THSD4: variants seen among roughly 807,000 people sequenced by gnomAD.
The protein encoded by THSD4 is thrombospondin type-1 domain-containing protein 4.
THSD4 carries 69 observed loss-of-function variants against 119.0 expected under a neutral mutation model. The ratio of observed to expected loss-of-function variants is 0.58; its 90% CI spans 0.48 to 0.71. The LOEUF is 0.71. THSD4 is among the 30% of genes least tolerant of loss of function. The probability of loss-of-function intolerance (pLI) is 0.00; values close to 1 mark genes in which losing one functional copy is unlikely to be tolerated. For synonymous variants in THSD4, 524 were observed against 540.4 expected (o/e 0.97, Z 0.42); for missense variants, 1,393 against 1,391.1 (o/e 1.00, Z -0.02).
chr15:71,381,862 C>T (rs1057257490), intron 6 of THSD4, among the ~76,000 whole-genome samples: 14 of 152,240 alleles, frequency 9.2e-5, no homozygotes, highest in African/African-American at 3.1e-4. Flanking sequence ...TTTGACAATG[C>T]TTCCCATATA....
intron 8 of THSD4, among the ~76,000 whole-genome samples, chr15:71,723,173 A>G (rs1449102176): frequency 2.0e-5 from 3 of 152,072 alleles, no homozygotes; most frequent in Non-Finnish European, 4.4e-5. Flanking sequence ...GTTTCCTAGA[A>G]GTAGAGTTTT....
At chr15:71,444,550 C>G (rs16955610) in intron 7 of THSD4, among the ~76,000 whole-genome samples, 197 of 152,350 alleles carry the variant, frequency 1.3e-3, no homozygotes, top group African/African-American at 4.4e-3. Context: ...TCCATTTCTA[C>G]CCACACATCT....
chr15:71,267,763 A>G (rs111674500), intron 6 of THSD4, among the ~76,000 whole-genome samples: 12,866 of 152,266 alleles, frequency 0.084, 665 homozygotes, highest in Middle Eastern at 0.14. Flanking sequence ...GGGATGGAGG[A>G]ATATTTACCA....
At chr15:71,114,277 G>A (rs1261239058), upstream of THSD4, among the ~76,000 whole-genome samples, 1 of 151,196 alleles carries the variant, frequency 6.6e-6, no homozygotes, top group South Asian at 2.1e-4. Flanking sequence ...CTGCTCCCAC[G>A]AAGCGCTCTG....
At chr15:71,726,776 A>G (rs1035638134) in intron 8 of THSD4, among the ~76,000 whole-genome samples, 4 of 152,070 alleles carry the variant, frequency 2.6e-5, no homozygotes, top group Non-Finnish European at 5.9e-5. Flanking sequence ...CGTCTCTACT[A>G]AAATACAAAA....
intron 5 of THSD4, among the ~76,000 whole-genome samples, chr15:71,246,760 G>C (rs980137165): frequency 1.3e-5 from 2 of 152,132 alleles, no homozygotes; most frequent in Non-Finnish European, 2.9e-5. Flanking sequence ...AGGAAGTTCA[G>C]GTGACACATC....
At chr15:71,191,037 C>T (rs1395240637) in intron 3 of THSD4, among the ~76,000 whole-genome samples, 2 of 152,210 alleles carry the variant, frequency 1.3e-5, no homozygotes, top group Non-Finnish European at 2.9e-5. Context: ...CCTGAATCAT[C>T]CGACTCTGTT....
chr15:71,101,651 A>G (rs1039587392), intron 1 of THSD4, among the ~76,000 whole-genome samples: 1 of 151,886 alleles, frequency 6.6e-6, no homozygotes, highest in Non-Finnish European at 1.5e-5. Flanking sequence ...TCCTTATTTC[A>G]TTGTCATTCA....
intron 7 of THSD4, among the ~76,000 whole-genome samples, chr15:71,606,876 G>T (rs1331783664): frequency 6.6e-6 from 1 of 152,196 alleles, no homozygotes; most frequent in African/African-American, 2.4e-5. Context: ...CCTTAAAATT[G>T]GGAGATCAAA....
chr15:71,143,672 G>A (rs998496982), intron 2 of THSD4, among the ~76,000 whole-genome samples: 4 of 145,078 alleles, frequency 2.8e-5, no homozygotes, highest in Admixed American at 6.8e-5. Flanking sequence ...TAATGTCTTG[G>A]ATTTTTTTCT....
intron 3 of THSD4, among the ~76,000 whole-genome samples, chr15:71,170,010 C>A (rs1164371670): frequency 1.3e-5 from 2 of 152,084 alleles, no homozygotes; most frequent in Non-Finnish European, 2.9e-5. Context: ...CCCATCTCTA[C>A]CAAAAGTACA....
At chr15:71,243,282 A>G (rs978146163) in intron 5 of THSD4, among the ~76,000 whole-genome samples, 186 bp downstream of exon 5, 1 of 145,866 alleles carries the variant, frequency 6.9e-6, no homozygotes, top group South Asian at 2.2e-4. Flanking sequence ...TTTTTTTTTT[A>G]AAGTTATTGC....
Position 71,737,822 on chromosome 15 carries a change from G to A in THSD4, c.1721G>A (p.Arg574His), listed in dbSNP as rs200169944. ...AGGAACGAGGAGAAGGAAGACTTGC[G>A]TGGGGAGGCCCCTGAGATGTTCACC... ...KGRNEEKEDLRGEAPEMFTSE... is the reference protein window; with the variant it reads ...KGRNEEKEDLHGEAPEMFTSE... The change falls in exon 11 of 18, where the codon CGT (arginine) becomes CAT (histidine). Residue 574 changes from arginine (R) to histidine (H), a missense_variant. Arg to His is a conservative substitution (Grantham distance 29, BLOSUM62 0). Transcript: ENST00000261862. The A allele has an allele frequency of 1.2e-5, 20 of 1,614,142 alleles. No individual in the cohort carries two copies. Among genetic ancestry groups the A allele is most frequent in the Admixed American group, 3.3e-5 (2 of 60,016 alleles).
intron 8 of THSD4, among the ~76,000 whole-genome samples, chr15:71,685,730 T>C (rs995044): frequency 0.18 from 27,315 of 152,108 alleles, 2,689 homozygotes; most frequent in African/African-American, 0.27. Context: ...TTTGATACTA[T>C]ACCAAACTAG....
chr15:71,196,919 C>G (rs2043724634), intron 3 of THSD4, among the ~76,000 whole-genome samples: 1 of 152,132 alleles, frequency 6.6e-6, no homozygotes, highest in Non-Finnish European at 1.5e-5. Context: ...TCAAGACTGC[C>G]ATACATTTCA....
intron 7 of THSD4, among the ~76,000 whole-genome samples, chr15:71,519,910 A>G (rs1017203292): frequency 2.0e-5 from 3 of 152,184 alleles, no homozygotes; most frequent in African/African-American, 7.2e-5. Flanking sequence ...GGGAGTAGGC[A>G]AAAAGGAAGG....
At chr15:71,730,279 C>T (rs1178213676) in intron 9 of THSD4, 1 of 152,120 alleles carries the variant, frequency 6.6e-6, no homozygotes, top group African/African-American at 2.4e-5. Context: ...ACATCAAACC[C>T]GACCGTGTCT....
intron 7 of THSD4, among the ~76,000 whole-genome samples, chr15:71,655,221 A>G (rs1035842313): frequency 6.6e-6 from 1 of 152,238 alleles, no homozygotes; most frequent in Non-Finnish European, 1.5e-5. Flanking sequence ...CATAAAATAA[A>G]GGTAGATCAG....
chr15:71,779,139 A>T lies in THSD4; in HGVS notation c.*1765A>T, dbSNP rs1034889285. ...CTAACCTGGGGCTTTCAGAAATTCT[A>T]TTTGGCCTTTCTGTGGGTAGCTTTC... On this transcript the variant is annotated 3_prime_UTR_variant, in exon 18 of 18. Coordinates refer to ENST00000261862, the MANE Select transcript of THSD4 (RefSeq NM_024817.3). 2 of 152,158 alleles carry T rather than the reference A, an allele frequency of 1.3e-5. No homozygotes were observed. The highest frequency in any genetic ancestry group is 2.4e-5 in the African/African-American group (1 of 41,426). The allele number at this position is 152,158 out of a possible 1,614,324, so 9.4% of individuals were successfully genotyped here.
Sources: allele counts gnomAD v4.1 joint callset (sites outside exome capture counted in the v4.1 genomes callset), GRCh38; gene constraint gnomAD v4.1.1; transcripts MANE v1.5; gene names NCBI Gene and HGNC (gene_info 2026-07-23, HGNC 2026-07-21).